Variants in FAM114A2 observed in about 807,000 individuals in gnomAD.
FAM114A2 encodes protein FAM114A2.
A neutral mutation model predicts 58.4 loss-of-function variants in FAM114A2; 53 were observed. That is an observed-to-expected ratio of 0.91 (90% CI 0.73 to 1.14). The LOEUF (loss-of-function observed/expected upper bound fraction) is 1.14. FAM114A2 is among the 50% of genes most tolerant of loss of function. FAM114A2 has a pLI of 0.00. For missense variants in FAM114A2, 601 were observed against 581.1 expected (o/e 1.03, Z -0.35); for synonymous variants, 228 against 211.4 (o/e 1.08, Z -0.68).
chr5:154,019,185 C>A (rs887625676), intron 8 of FAM114A2, among the ~76,000 whole-genome samples: 2 of 152,132 alleles, frequency 1.3e-5, no homozygotes, highest in Non-Finnish European at 2.9e-5. Flanking sequence ...AAGAATTCAG[C>A]AATGTTTCTG....
At position 153,997,727 on chromosome 5, in the gene FAM114A2, T is replaced by A. The variant is rs568194211; in HGVS notation, c.1329+76A>T. On this transcript the variant is annotated intron_variant, in intron 12 of 13. Coordinates refer to ENST00000351797, the MANE Select transcript of FAM114A2 (RefSeq NM_018691.4). ...AAACTATTGAATTGTACACTTAAAG[T>A]GAGCAAATTTTATGATATTTAAACT... is the stretch of plus-strand genomic sequence containing the variant. The A allele has an allele frequency of 5.5e-6, 5 of 912,160 alleles. No homozygotes were observed. In the East Asian group the frequency reaches 1.2e-4, roughly 22 times the overall value. 56.5% of individuals were successfully genotyped at this position (912,160 alleles called of 1,614,324 possible). A position where few individuals can be genotyped will look rare whatever the true frequency, so the allele number is the denominator to read the frequency against.
intron 8 of FAM114A2, among the ~76,000 whole-genome samples, chr5:154,011,713 A>G (rs1390473882): frequency 6.6e-6 from 1 of 151,862 alleles, no homozygotes; most frequent in Non-Finnish European, 1.5e-5. Flanking sequence ...GACAGCATAG[A>G]CTAAGCAAGT....
chr5:154,011,416 G>A, intron 8 of FAM114A2, 96 bp from the exon 9 acceptor site: 1 of 742,782 alleles, frequency 1.3e-6, no homozygotes, highest in Non-Finnish European at 2.4e-6. Context: ...GGTAATAGCA[G>A]TGACAGTAGT....
At chr5:153,998,690 G>A (rs1042255984) in intron 11 of FAM114A2, among the ~76,000 whole-genome samples, 21 of 151,926 alleles carry the variant, frequency 1.4e-4, no homozygotes, top group African/African-American at 5.1e-4. Context: ...TCTTTTCTTT[G>A]TAAATTACCC....
chr5:154,037,387 G>A (rs1772642961), intron 1 of FAM114A2: 1 of 152,164 alleles, frequency 6.6e-6, no homozygotes, highest in Admixed American at 6.5e-5. Flanking sequence ...AACCAACTTA[G>A]AAGTAGCCAT....
chr5:154,011,203 A>G (rs1234197336), intron 9 of FAM114A2, 38 bp downstream of exon 9: 1 of 1,436,324 alleles, frequency 7.0e-7, no homozygotes, highest in Non-Finnish European at 9.8e-7. Context: ...CATTTTTACA[A>G]GTAAAATAAT....
At chr5:154,024,365 T>C (rs971826161) in intron 8 of FAM114A2, among the ~76,000 whole-genome samples, 1 of 152,104 alleles carries the variant, frequency 6.6e-6, no homozygotes, top group African/African-American at 2.4e-5. Context: ...AGTAAACCCA[T>C]ACCACTTATT....
At chr5:154,023,258 A>C (rs952470700) in intron 8 of FAM114A2, among the ~76,000 whole-genome samples, 53 of 152,328 alleles carry the variant, frequency 3.5e-4, no homozygotes, top group Non-Finnish European at 2.6e-4. Context: ...CACGTTGTGC[A>C]CATGTACCCT....
chr5:154,021,553 T>A (rs1218762921), intron 8 of FAM114A2, among the ~76,000 whole-genome samples: 2 of 152,022 alleles, frequency 1.3e-5, no homozygotes, highest in East Asian at 1.9e-4. Flanking sequence ...CACAATTGCT[T>A]CAAAGAGAAT....
At position 154,038,876 on chromosome 5, in the gene FAM114A2, A is replaced by T. The variant is rs896151498; in HGVS notation, c.-34T>A. The T allele has an allele frequency of 6.6e-6, 1 of 152,498 alleles. No individual in the cohort carries two copies. Among genetic ancestry groups the T allele is most frequent in the Non-Finnish European group, 1.5e-5 (1 of 68,304 alleles). 9.4% of individuals were successfully genotyped at this position (152,498 alleles called of 1,614,324 possible). On this transcript the variant is annotated 5_prime_UTR_variant, in exon 1 of 14. Transcript: ENST00000351797. ...CCGCACCTATCCGGCCGCCACCCTC[A>T]GCACAGCCACGGCAGCCGACTCGGC...
At chr5:154,000,024 A>T (rs183016582) in intron 11 of FAM114A2, among the ~76,000 whole-genome samples, 38 of 152,160 alleles carry the variant, frequency 2.5e-4, no homozygotes, top group Non-Finnish European at 4.3e-4. Flanking sequence ...TCAGCTATTT[A>T]AAAAAAATGT....
intron 8 of FAM114A2, among the ~76,000 whole-genome samples, chr5:154,011,881 A>G (rs1171600157): frequency 1.3e-5 from 2 of 152,202 alleles, no homozygotes; most frequent in Admixed American, 1.3e-4. Context: ...GATTGAGAAT[A>G]TCTAACGTAA....
rs1185402738 is a variant in FAM114A2, at chr5:153,990,992, T to C, written c.*1984A>G. The C allele has an allele frequency of 5.9e-5, 9 of 152,186 alleles. No individual in the cohort carries two copies. Among genetic ancestry groups the C allele is most frequent in the Non-Finnish European group, 1.2e-4 (8 of 68,046 alleles). The allele number at this position is 152,186 out of a possible 1,614,324, so 9.4% of individuals were successfully genotyped here. On this transcript the variant is annotated 3_prime_UTR_variant, in exon 14 of 14. Coordinates refer to ENST00000351797, the MANE Select transcript of FAM114A2 (RefSeq NM_018691.4). ...CTGGATCAAGGAATCTTAATTCTTT[T>C]TCAGTATATTTTATGTGAAGAGTAG...
chr5:154,002,623 GCA>G (rs373853052), intron 10 of FAM114A2, among the ~76,000 whole-genome samples: 226 of 152,290 alleles, frequency 1.5e-3, no homozygotes, highest in Non-Finnish European at 2.4e-3. Context: ...GTGTCAGGCA[GCA>G]GTTTCTGGGA....
intron 8 of FAM114A2, among the ~76,000 whole-genome samples, chr5:154,025,515 T>C (rs1581821781): frequency 6.6e-6 from 1 of 152,200 alleles, no homozygotes; most frequent in Non-Finnish European, 1.5e-5. Flanking sequence ...ATAGACTCCC[T>C]GAAAGGGTTC....
intron 9 of FAM114A2, among the ~76,000 whole-genome samples, chr5:154,010,683 A>G (rs1182007335): frequency 6.6e-6 from 1 of 152,146 alleles, no homozygotes; most frequent in Non-Finnish European, 1.5e-5. Flanking sequence ...GAACCTCCCT[A>G]CCCACTCTGA....
At chr5:154,037,883 C>T (rs1581851862) in intron 1 of FAM114A2, among the ~76,000 whole-genome samples, 2 of 152,256 alleles carry the variant, frequency 1.3e-5, no homozygotes, top group African/African-American at 4.8e-5. Flanking sequence ...ATATTAAACA[C>T]TGGTTATCTC....
intron 8 of FAM114A2, among the ~76,000 whole-genome samples, chr5:154,017,533 G>T (rs950054431): frequency 1.3e-5 from 2 of 152,158 alleles, no homozygotes; most frequent in African/African-American, 4.8e-5. Flanking sequence ...CACTTGACAG[G>T]TCATCAAAAC....
At chr5:154,025,897 GAAGATATTAAAATATGGTATA>G (rs1193891295) in intron 8 of FAM114A2, among the ~76,000 whole-genome samples, 1 of 152,048 alleles carries the variant, frequency 6.6e-6, no homozygotes, top group East Asian at 1.9e-4. Flanking sequence ...TCTGAGAAAT[GAAGATATTAAAATATGGTATA>G]AGAGTTTTCA....
Sources: gnomAD v4.1 joint callset for allele counts (sites outside exome capture counted in the v4.1 genomes callset) on GRCh38, gnomAD v4.1.1 for gene constraint, MANE v1.5 for transcripts, NCBI Gene and HGNC (gene_info 2026-07-23, HGNC 2026-07-21) for gene names.